Variants in CRB1 observed in about 807,000 individuals in gnomAD.
The protein encoded by CRB1 is crumbs cell polarity complex component 1.
A neutral mutation model predicts 120.0 loss-of-function variants in CRB1; 83 were observed. The observed-to-expected ratio is 0.69, with a 90% CI of 0.58 to 0.83. The LOEUF (loss-of-function observed/expected upper bound fraction) is 0.83, where lower values mean the gene tolerates loss of function less well. Ranked by LOEUF, CRB1 falls within the 40% of genes least tolerant of loss-of-function variation. The probability of loss-of-function intolerance (pLI) is 0.00; values close to 1 mark genes in which losing one functional copy is unlikely to be tolerated. For missense variants in CRB1, 1,699 were observed against 1,687.6 expected (o/e 1.01, Z -0.12); for synonymous variants, 625 against 612.5 (o/e 1.02, Z -0.30).
At chr1:197,222,608 A>G in the CRB1 span, 2 of 772,312 alleles carry the variant, frequency 2.6e-6, no homozygotes, top group Non-Finnish European at 4.8e-6. Context: ...GTGAGGAAAG[A>G]GTGTATTTGG....
intron 1 of CRB1, among the ~76,000 whole-genome samples, chr1:197,299,863 C>G (rs955139198): frequency 2.6e-5 from 4 of 151,410 alleles, no homozygotes; most frequent in African/African-American, 9.8e-5. Context: ...TGTGGCAACT[C>G]AGCATCAAGC....
At chr1:197,264,207 A>G (rs543966277), upstream of CRB1, among the ~76,000 whole-genome samples, 32 of 152,300 alleles carry the variant, frequency 2.1e-4, no homozygotes, top group Non-Finnish European at 4.1e-4. Flanking sequence ...GCTCCCATTT[A>G]TAAGTGAGAA....
intron 1 of CRB1, among the ~76,000 whole-genome samples, chr1:197,326,351 G>C (rs1160376525): frequency 6.6e-6 from 1 of 152,156 alleles, no homozygotes; most frequent in Non-Finnish European, 1.5e-5. Context: ...GGGGACTGTG[G>C]CTCAAGCCTG....
intron 1 of CRB1, among the ~76,000 whole-genome samples, chr1:197,278,410 C>T (rs1322131271): frequency 6.6e-6 from 1 of 151,968 alleles, no homozygotes; most frequent in Admixed American, 6.6e-5. Context: ...TTTATAAAGC[C>T]ACTTAGTCTA....
At chr1:197,270,936 C>T (rs766306743) in intron 1 of CRB1, among the ~76,000 whole-genome samples, 10 of 152,168 alleles carry the variant, frequency 6.6e-5, no homozygotes, top group Non-Finnish European at 1.2e-4. Context: ...TATGGTGGCT[C>T]AAGCCTGTAG....
intron 11 of CRB1, among the ~76,000 whole-genome samples, chr1:197,453,539 T>TAGAGAG (rs1181738570): frequency 6.8e-5 from 4 of 58,512 alleles, no homozygotes; most frequent in Admixed American, 2.7e-4. Flanking sequence ...TATATATATA[T>TAGAGAG]AGAGAGAGAG....
chr1:197,376,063 T>C (rs1661630160), intron 5 of CRB1, among the ~76,000 whole-genome samples: 1 of 152,234 alleles, frequency 6.6e-6, no homozygotes, highest in Non-Finnish European at 1.5e-5. Flanking sequence ...GGATATAATT[T>C]CTTTATTTAA....
chr1:197,411,326 C>T (rs980723189), intron 5 of CRB1, among the ~76,000 whole-genome samples: 6 of 152,122 alleles, frequency 3.9e-5, no homozygotes, highest in African/African-American at 1.4e-4. Context: ...CACCATGGAT[C>T]CATATTTCAA....
intron 9 of CRB1, among the ~76,000 whole-genome samples, chr1:197,436,376 G>T (rs891721497): frequency 6.6e-6 from 1 of 151,852 alleles, no homozygotes; most frequent in Non-Finnish European, 1.5e-5. Flanking sequence ...AGAAGGGGTT[G>T]GTTTTGCTGT....
intron 1 of CRB1, among the ~76,000 whole-genome samples, chr1:197,325,615 A>ATGGCGT (rs1658450512): frequency 6.6e-6 from 1 of 152,144 alleles, no homozygotes; most frequent in Non-Finnish European, 1.5e-5. Context: ...CCAACCATAT[A>ATGGCGT]TATTGAAAAT....
the CRB1 span, among the ~76,000 whole-genome samples, chr1:197,259,182 A>G: frequency 6.6e-6 from 1 of 152,246 alleles, no homozygotes; most frequent in Non-Finnish European, 1.5e-5. Flanking sequence ...TACTGGGTAT[A>G]TACCCAATGG....
the CRB1 span, among the ~76,000 whole-genome samples, chr1:197,211,410 T>C: frequency 1.3e-5 from 2 of 152,194 alleles, no homozygotes; most frequent in African/African-American, 4.8e-5. Context: ...TAGAAATTTA[T>C]TTCTCACAGT....
intron 2 of CRB1, among the ~76,000 whole-genome samples, chr1:197,341,030 A>G (rs1489685543): frequency 1.3e-5 from 2 of 152,042 alleles, no homozygotes; most frequent in African/African-American, 4.8e-5. Context: ...CCCTAATAAA[A>G]CCATCAGATC....
intron 1 of CRB1, among the ~76,000 whole-genome samples, chr1:197,323,168 G>A (rs1658302092): frequency 6.6e-6 from 1 of 152,120 alleles, no homozygotes; most frequent in Admixed American, 6.5e-5. Flanking sequence ...GAATGAACTA[G>A]AGTTCGAAGG....
At chr1:197,255,159 AG>A in the CRB1 span, among the ~76,000 whole-genome samples, 1 of 152,004 alleles carries the variant, frequency 6.6e-6, no homozygotes, top group Non-Finnish European at 1.5e-5. Context: ...TTTTCCATTG[AG>A]TGTAGTTTTA....
chr1:197,311,366 G>A (rs909149914), intron 1 of CRB1, among the ~76,000 whole-genome samples: 14 of 152,174 alleles, frequency 9.2e-5, no homozygotes, highest in Non-Finnish European at 1.5e-4. Context: ...ATAGAATGGT[G>A]ATTACCAGAG....
intron 6 of CRB1, 100 bp downstream of exon 6, chr1:197,422,056 A>C: frequency 9.1e-7 from 1 of 1,096,656 alleles, no homozygotes; most frequent in Non-Finnish European, 1.3e-6. Flanking sequence ...ATGAAACATA[A>C]TGACCCCACA....
intron 7 of CRB1, chr1:197,429,194 G>A: frequency 6.6e-7 from 1 of 1,511,938 alleles, no homozygotes; most frequent in African/African-American, 1.4e-5. Flanking sequence ...TGCTATACTT[G>A]AAAAACCCTC....
At chr1:197,217,482 T>C in the CRB1 span, among the ~76,000 whole-genome samples, 1 of 152,182 alleles carries the variant, frequency 6.6e-6, no homozygotes, top group Non-Finnish European at 1.5e-5. Context: ...ATGAATATTA[T>C]TCAGCCATAA....
Sources: gnomAD v4.1 joint callset for allele counts (sites outside exome capture counted in the v4.1 genomes callset) on GRCh38, gnomAD v4.1.1 for gene constraint, MANE v1.5 for transcripts, NCBI Gene and HGNC (gene_info 2026-07-23, HGNC 2026-07-21) for gene names.